Variants in BLM observed in about 807,000 individuals in gnomAD.
The protein encoded by BLM is BLM RecQ like helicase.
BLM carries 95 observed loss-of-function variants against 135.3 expected under a neutral mutation model. That is an observed-to-expected ratio of 0.70 (90% confidence interval 0.59 to 0.83). BLM has a LOEUF of 0.83. BLM is among the 40% of genes least tolerant of loss of function. The pLI is 0.00. For missense variants in BLM, 1,518 were observed against 1,663.9 expected, an observed-to-expected ratio of 0.91 and a Z score of 1.53; for synonymous variants, 520 against 589.2, an observed-to-expected ratio of 0.88 and a Z score of 1.70.
intron 4 of BLM, among the ~76,000 whole-genome samples, chr15:90,753,554 CTT>C (rs1460834785): frequency 6.6e-6 from 1 of 152,176 alleles, no homozygotes; most frequent in Non-Finnish European, 1.5e-5. Context: ...GGTAGACTCT[CTT>C]TGTACATTTC....
chr15:90,739,950 A>T (rs998395218), intron 1 of BLM, among the ~76,000 whole-genome samples: 1 of 152,004 alleles, frequency 6.6e-6, no homozygotes, highest in Non-Finnish European at 1.5e-5. Flanking sequence ...TTTTTTGTAG[A>T]GATGGGGTTT....
chr15:90,721,029 C>T (rs1412637871), intron 1 of BLM, among the ~76,000 whole-genome samples: 1 of 151,970 alleles, frequency 6.6e-6, no homozygotes, highest in African/African-American at 2.4e-5. Flanking sequence ...CCCGTCTCTA[C>T]CAAAAAATAA....
intron 17 of BLM, among the ~76,000 whole-genome samples, chr15:90,803,147 A>G (rs1452605497): frequency 1.4e-5 from 2 of 148,058 alleles, no homozygotes; most frequent in Non-Finnish European, 3.0e-5. Flanking sequence ...TCCACAATAG[A>G]GTGAGACCCT....
At chr15:90,772,291 C>A (rs768736739) in intron 12 of BLM, among the ~76,000 whole-genome samples, 22 of 152,162 alleles carry the variant, frequency 1.4e-4, no homozygotes, top group Non-Finnish European at 2.9e-4. Flanking sequence ...TAATATTCTT[C>A]CTCTTTGGGA....
At chr15:90,750,402 G>A (rs949307130) in intron 3 of BLM, among the ~76,000 whole-genome samples, 2 of 152,024 alleles carry the variant, frequency 1.3e-5, no homozygotes, top group African/African-American at 4.8e-5. Flanking sequence ...CACTTCTCTT[G>A]CGCTTTGGGA....
chr15:90,726,071 T>C (rs1000598448), intron 1 of BLM, among the ~76,000 whole-genome samples: 1 of 152,190 alleles, frequency 6.6e-6, no homozygotes, highest in Non-Finnish European at 1.5e-5. Flanking sequence ...TTGATACATA[T>C]ACTGTATAAT....
intron 1 of BLM, among the ~76,000 whole-genome samples, chr15:90,729,931 C>T (rs570146106): frequency 3.9e-5 from 6 of 152,128 alleles, no homozygotes; most frequent in Non-Finnish European, 7.4e-5. Flanking sequence ...CTGCAACCTC[C>T]GCCTCCCGGG....
chr15:90,794,137 A>G, intron 15 of BLM, 30 bp from the exon 16 acceptor site: 1 of 1,510,424 alleles, frequency 6.6e-7, no homozygotes, highest in Non-Finnish European at 9.1e-7. Flanking sequence ...CCCTATAAGT[A>G]TGTCTTACTA....
At chr15:90,729,997 C>A (rs1895024289) in intron 1 of BLM, among the ~76,000 whole-genome samples, 1 of 152,068 alleles carries the variant, frequency 6.6e-6, no homozygotes, top group Admixed American at 6.6e-5. Context: ...AGGTACGCGC[C>A]ACCATGACCA....
intron 20 of BLM, 101 bp downstream of exon 20, chr15:90,809,360 C>T (rs927917191): frequency 1.3e-6 from 2 of 1,567,974 alleles, no homozygotes; most frequent in East Asian, 2.2e-5. Context: ...CTTCCTACAC[C>T]TCGTCACACT....
intron 9 of BLM, among the ~76,000 whole-genome samples, 174 bp downstream of exon 9, chr15:90,765,588 T>A (rs1446749422): frequency 1.3e-5 from 2 of 152,214 alleles, no homozygotes; most frequent in African/African-American, 4.8e-5. Flanking sequence ...GTTCAATCTG[T>A]TTTTATTCTA....
Position 90,796,109 on chromosome 15 carries a change from A to G in BLM, c.3210+1752A>G, listed in dbSNP as rs967199475. ...GAGCCAGAGCAGTCAGTTGAGGGCT[A>G]GAGTCCCAGAGTAACTGGAGGCCTG... On this transcript the variant is annotated intron_variant, in intron 16 of 21. Transcript: ENST00000355112. Among the ~76,000 whole-genome samples the G allele has an allele frequency of 3.3e-5, 5 of 152,346 alleles. No individual in the cohort carries two copies. In the East Asian group the frequency reaches 9.6e-4, roughly 29 times the overall value.
chr15:90,738,299 C>T (rs1895271756), intron 1 of BLM, among the ~76,000 whole-genome samples: 1 of 152,140 alleles, frequency 6.6e-6, no homozygotes, highest in African/African-American at 2.4e-5. Flanking sequence ...GGTTAATACC[C>T]AGGATATATA....
At chr15:90,799,725 A>G (rs28385124) in intron 17 of BLM, among the ~76,000 whole-genome samples, 7,977 of 151,966 alleles carry the variant, frequency 0.052, 243 homozygotes, top group Middle Eastern at 0.09. Context: ...CTTTTCCTCA[A>G]CCCTCTTAGG....
chr15:90,732,755 AAG>A (rs1895101428), intron 1 of BLM, among the ~76,000 whole-genome samples: 1 of 152,198 alleles, frequency 6.6e-6, no homozygotes, highest in African/African-American at 2.4e-5. Flanking sequence ...TAAAGATAAA[AAG>A]AGAAATTAGT....
At chr15:90,777,365 C>A (rs1896507036) in intron 12 of BLM, among the ~76,000 whole-genome samples, 1 of 152,196 alleles carries the variant, frequency 6.6e-6, no homozygotes, top group Non-Finnish European at 1.5e-5. Context: ...ATTGCGCAGG[C>A]TGGTCTTAAA....
intron 12 of BLM, among the ~76,000 whole-genome samples, chr15:90,773,314 A>G (rs562903039): frequency 1.3e-5 from 2 of 151,068 alleles, no homozygotes; most frequent in South Asian, 2.1e-4. Context: ...CAGCTACTTG[A>G]AAGGCTGAGA....
At chr15:90,750,112 T>C (rs758128613) in intron 3 of BLM, 45 bp downstream of exon 3, 2 of 1,591,422 alleles carry the variant, frequency 1.3e-6, no homozygotes, top group Non-Finnish European at 1.7e-6. Context: ...ATTGTACTTT[T>C]TTATTCAAAG....
chr15:90,803,767 C>A, intron 18 of BLM, 47 bp downstream of exon 18: 2 of 1,546,750 alleles, frequency 1.3e-6, no homozygotes, highest in South Asian at 2.2e-5. Context: ...ATGAGTGAAC[C>A]AAAATATATT....
Sources: gnomAD v4.1 joint callset for allele counts (sites outside exome capture counted in the v4.1 genomes callset) on GRCh38, gnomAD v4.1.1 for gene constraint, MANE v1.5 for transcripts, NCBI Gene and HGNC (gene_info 2026-07-23, HGNC 2026-07-21) for gene names.